Variants in RBMS3 observed in about 807,000 individuals in gnomAD.
RBMS3 encodes the protein RNA binding motif single stranded interacting protein 3, also known as RNA-binding motif, single-stranded-interacting protein 3.
Under a neutral mutation model 66.8 loss-of-function variants are expected in RBMS3, and 27 were observed. The ratio of observed to expected loss-of-function variants is 0.40; its 90% CI spans 0.30 to 0.56. The LOEUF is 0.56. Among genes scored for constraint, RBMS3 ranks in the 20% least tolerant of loss-of-function variants. RBMS3 has a pLI of 0.40. For missense variants in RBMS3, 513 were observed against 549.5 expected (o/e 0.93, Z 0.66); for synonymous variants, 188 against 183.0 (o/e 1.03, Z -0.22).
intron 6 of RBMS3, among the ~76,000 whole-genome samples, chr3:29,771,776 A>T (rs112434793): frequency 0.022 from 3,378 of 152,066 alleles, 140 homozygotes; most frequent in African/African-American, 0.078. Context: ...TGTAAAGGGG[A>T]AGCAGGCATG....
chr3:29,929,250 C>T (rs2061040072), intron 10 of RBMS3, among the ~76,000 whole-genome samples: 1 of 152,140 alleles, frequency 6.6e-6, no homozygotes. Context: ...TATTTAAAAG[C>T]CACTTTGCTC....
intron 1 of RBMS3, among the ~76,000 whole-genome samples, chr3:29,334,462 T>TA (rs1399514269): frequency 3.9e-5 from 6 of 152,192 alleles, no homozygotes; most frequent in African/African-American, 1.4e-4. Context: ...TGTCTCTATA[T>TA]TTTTAAGAAA....
At chr3:29,993,050 ACT>A (rs1698986827) in intron 14 of RBMS3, among the ~76,000 whole-genome samples, 1 of 152,074 alleles carries the variant, frequency 6.6e-6, no homozygotes, top group South Asian at 2.1e-4. Flanking sequence ...AAAGCAGTAA[ACT>A]CTATTATGTG....
intron 14 of RBMS3, 32 bp from the exon 15 acceptor site, chr3:30,003,824 T>C: frequency 7.2e-7 from 1 of 1,388,136 alleles, no homozygotes; most frequent in Non-Finnish European, 9.5e-7. Flanking sequence ...TACTTTAATT[T>C]AATGACCACT....
intron 1 of RBMS3, among the ~76,000 whole-genome samples, chr3:29,388,688 C>G (rs1375651342): frequency 6.6e-6 from 1 of 152,202 alleles, no homozygotes; most frequent in Non-Finnish European, 1.5e-5. Flanking sequence ...GCCTCAGCCT[C>G]CCGAGTAGCT....
chr3:29,524,107 T>G (rs2044978819), intron 3 of RBMS3, among the ~76,000 whole-genome samples: 1 of 152,100 alleles, frequency 6.6e-6, no homozygotes, highest in Admixed American at 6.6e-5. Context: ...TCACTTACTT[T>G]GTATCCTTTT....
At chr3:29,539,504 C>G (rs559832091) in intron 3 of RBMS3, among the ~76,000 whole-genome samples, 2 of 152,128 alleles carry the variant, frequency 1.3e-5, no homozygotes, top group Non-Finnish European at 2.9e-5. Context: ...CTCCCTCCAG[C>G]TTATTACATC....
At chr3:29,511,680 A>G (rs1024203115) in intron 3 of RBMS3, among the ~76,000 whole-genome samples, 9 of 152,060 alleles carry the variant, frequency 5.9e-5, no homozygotes, top group East Asian at 1.9e-4. Flanking sequence ...ACCATCATAC[A>G]TAAAGAATAA....
rs560275245 is a variant in RBMS3 at position 29,871,813 on chromosome 3, CTAAT to C, written c.744+2853_744+2856del. On this transcript the variant is annotated intron_variant, in intron 7 of 14. Transcript: ENST00000383767. Reference sequence around the variant, plus strand: ...TACCATGCGCATGCCAATTGATAGACTAATTAAAATTTTAATTTACTGTTTAAAG... The same window carrying C: ...TACCATGCGCATGCCAATTGATAGACTAAAATTTTAATTTACTGTTTAAAG... Among the ~76,000 whole-genome samples the C allele has an allele frequency of 1.1e-4, 16 of 152,200 alleles. No homozygotes were observed. In the South Asian group the frequency reaches 3.3e-3, roughly 32 times the overall value.
intron 12 of RBMS3, among the ~76,000 whole-genome samples, chr3:29,972,650 C>T (rs962409054): frequency 6.6e-6 from 1 of 152,112 alleles, no homozygotes; most frequent in African/African-American, 2.4e-5. Flanking sequence ...ATGCCTTCAA[C>T]ATTTTCTCTT....
chr3:29,559,126 T>C (rs2046454671), intron 3 of RBMS3, among the ~76,000 whole-genome samples: 2 of 152,112 alleles, frequency 1.3e-5, no homozygotes, highest in Admixed American at 1.3e-4. Context: ...AATCCAAAAA[T>C]TGTTGCCAGT....
intron 1 of RBMS3, among the ~76,000 whole-genome samples, chr3:29,331,498 C>T (rs2035650648): frequency 6.6e-6 from 1 of 152,134 alleles, no homozygotes. Context: ...CTTGTTTCCC[C>T]ATGATTTCCT....
chr3:29,598,675 G>A (rs2048044419), intron 4 of RBMS3, among the ~76,000 whole-genome samples: 1 of 151,898 alleles, frequency 6.6e-6, no homozygotes, highest in Non-Finnish European at 1.5e-5. Context: ...CATTTGAGGA[G>A]GTGCCTTCAT....
At chr3:29,988,844 T>G (rs1698620061) in intron 13 of RBMS3, among the ~76,000 whole-genome samples, 1 of 152,178 alleles carries the variant, frequency 6.6e-6, no homozygotes, top group Non-Finnish European at 1.5e-5. Flanking sequence ...GCATCTGAAT[T>G]TGCATTTTAA....
intron 1 of RBMS3, among the ~76,000 whole-genome samples, chr3:29,333,188 G>T (rs1041456425): frequency 2.0e-5 from 3 of 152,054 alleles, no homozygotes; most frequent in African/African-American, 7.2e-5. Flanking sequence ...TAAGGGAAAA[G>T]GTTCTGGCAA....
At chr3:29,707,512 G>A (rs369320356) in intron 4 of RBMS3, among the ~76,000 whole-genome samples, 5 of 152,098 alleles carry the variant, frequency 3.3e-5, no homozygotes, top group East Asian at 1.9e-4. Flanking sequence ...GGTTATCACC[G>A]TCTTTACTAT....
In RBMS3 at chr3:29,859,221, G is replaced by C. The variant is rs2059152303; in HGVS notation, c.638-9637G>C. Among the ~76,000 whole-genome samples, 3 of 152,220 alleles carry C rather than the reference G, an allele frequency of 2.0e-5. No homozygotes were observed. In the East Asian group the frequency reaches 5.8e-4, roughly 29 times the overall value. ...ATTATTTTAAAACAAGCCATTATTAGAGGGGCAGCATACATTCTTTTAGGA... is the reference window on the plus strand; with the variant it reads ...ATTATTTTAAAACAAGCCATTATTACAGGGGCAGCATACATTCTTTTAGGA... On this transcript the variant is annotated intron_variant, in intron 6 of 14. Coordinates refer to ENST00000383767, the MANE Select transcript of RBMS3 (RefSeq NM_001003793.3).
Position 29,281,629 on chromosome 3 carries a change from G to C in RBMS3, c.-53G>C, listed in dbSNP as rs2031789007. On this transcript the variant is annotated 5_prime_UTR_variant, in exon 1 of 15. Coordinates refer to ENST00000383767, the MANE Select transcript of RBMS3 (RefSeq NM_001003793.3). ...GGTTTAAGAGGAAGCTCGGCCTGGG[G>C]CACTATACCCTGTCATCCAGTTCCC... The C allele has an allele frequency of 6.8e-7, 1 of 1,472,762 alleles. No individual in the cohort carries two copies. The highest frequency in any genetic ancestry group is 9.5e-7 in the Non-Finnish European group (1 of 1,052,290). 91.2% of individuals were successfully genotyped at this position (1,472,762 alleles called of 1,614,324 possible).
chr3:29,909,780 G>A (rs1257509092), intron 10 of RBMS3, among the ~76,000 whole-genome samples: 1 of 151,972 alleles, frequency 6.6e-6, no homozygotes, highest in Non-Finnish European at 1.5e-5. Flanking sequence ...AGTATGCGGG[G>A]CATGTGTGTG....
Sources: gnomAD v4.1 joint callset for allele counts (sites outside exome capture counted in the v4.1 genomes callset) on GRCh38, gnomAD v4.1.1 for gene constraint, MANE v1.5 for transcripts, NCBI Gene and HGNC (gene_info 2026-07-23, HGNC 2026-07-21) for gene names.